Variants in BACH1 observed in about 807,000 individuals in gnomAD.
BACH1 encodes the protein BTB domain and CNC homolog 1.
In BACH1, 35 loss-of-function variants were observed where a neutral mutation model predicts 52.9. That is an observed-to-expected ratio of 0.66 (90% CI 0.51 to 0.88). BACH1 has a LOEUF of 0.88. BACH1 is among the 40% of genes least tolerant of loss of function. The pLI is 0.00. For missense variants in BACH1, 808 were observed against 872.6 expected (o/e 0.93, Z 0.93); for synonymous variants, 321 against 319.6 (o/e 1.00, Z -0.05).
chr21:29,357,974 G>A (rs2089245116), intron 2 of BACH1, among the ~76,000 whole-genome samples: 1 of 152,120 alleles, frequency 6.6e-6, no homozygotes, highest in African/African-American at 2.4e-5. Flanking sequence ...CACTCACCTA[G>A]TCCCCACACG....
rs762721028 is a variant in BACH1, at chr21:29,326,619, A to G, written c.795A>G (p.Gly265=). Residue 265 remains glycine (G), a synonymous_variant, in exon 3 of 5, where the codon GGA becomes GGG. Transcript: ENST00000286800. ...AAAGGTCTGAAAATGAATGCCTGGG[A>G]GGAGTCCCGGAGTGTAGAGATTTGC... ...PNERSENECL[G]GVPECRDLQV... is the part of the protein sequence containing the mutation. 1 of 1,614,252 alleles carries G rather than the reference A, an allele frequency of 6.2e-7. No homozygotes were observed. Among genetic ancestry groups the G allele is most frequent in the Non-Finnish European group, 8.5e-7 (1 of 1,180,046 alleles).
intron 2 of BACH1, among the ~76,000 whole-genome samples, chr21:29,358,126 TC>T (rs1303130774): frequency 1.3e-5 from 2 of 152,214 alleles, no homozygotes; most frequent in African/African-American, 2.4e-5. Context: ...GGTTGTCACT[TC>T]CTCTGCCCTT....
intron 4 of BACH1, among the ~76,000 whole-genome samples, chr21:29,331,750 TTTATAGA>T (rs1260484421): frequency 2.0e-5 from 3 of 152,186 alleles, no homozygotes; most frequent in Admixed American, 1.3e-4. Context: ...TAGTTCCTAC[TTTATAGA>T]TTAGGTGCTT....
chr21:29,321,483 A>T lies in BACH1; in HGVS notation c.203A>T (p.Asp68Val), dbSNP rs1447504612. The stretch of plus-strand genomic sequence containing the variant: ...CACTCAAGAATCGTAGGCCAGGCTG[A>T]TGGAGAGCTGAACATTACTCTTCCA... ...YFHSRIVGQA[D>V]GELNITLPEE... Residue 68 changes from aspartate to valine, a missense_variant, in exon 2 of 5, where the codon GAT (aspartate) becomes GTT (valine). Asp to Val is a radical substitution (Grantham distance 152, BLOSUM62 -3). Transcript: ENST00000286800. 2.0e-5 allele frequency: 33 copies of T among 1,614,072 alleles called. No individual in the cohort carries two copies. Among genetic ancestry groups the T allele is most frequent in the Non-Finnish European group, 2.7e-5 (32 of 1,180,030 alleles).
chr21:29,327,278 C>G lies in BACH1; in HGVS notation c.1454C>G (p.Ser485Ter), dbSNP rs2088925108. 1.2e-6 allele frequency: 2 copies of G among 1,614,074 alleles called. No homozygotes were observed. The highest frequency in any genetic ancestry group is 1.7e-6 in the Non-Finnish European group (2 of 1,180,056). ...GAAATTGGAAACGATGATTATGTTTCAGAACCCCAGCAAGAACCTTGCCCA... is the reference window on the plus strand; with the variant it reads ...GAAATTGGAAACGATGATTATGTTTGAGAACCCCAGCAAGAACCTTGCCCA... ...NLEIGNDDYV[S>*]EPQQEPCPYA... Residue 485 changes from serine to a stop codon, truncating the protein, a stop_gained, in exon 3 of 5, where the codon TCA (serine) becomes TGA (stop). Transcript: ENST00000286800. LOFTEE classifies it high-confidence loss of function.
chr21:29,317,706 G>T (rs1047775919), intron 1 of BACH1, among the ~76,000 whole-genome samples: 1 of 152,090 alleles, frequency 6.6e-6, no homozygotes. Context: ...CATTGGAGGG[G>T]GTCAAGAGGG....
At chr21:29,304,872 A>G (rs2088638721) in intron 1 of BACH1, among the ~76,000 whole-genome samples, 3 of 152,244 alleles carry the variant, frequency 2.0e-5, no homozygotes, top group African/African-American at 7.2e-5. Context: ...AGTCAGCTAA[A>G]TTAGTGCAGT....
chr21:29,354,074 G>A (rs1004866490), intron 2 of BACH1, among the ~76,000 whole-genome samples: 6 of 152,230 alleles, frequency 3.9e-5, no homozygotes, highest in African/African-American at 1.4e-4. Flanking sequence ...TCTAAAAGAT[G>A]AGCGGGAAGC....
At chr21:29,359,690 A>AAATAACTAC (rs2089259522) in intron 2 of BACH1, among the ~76,000 whole-genome samples, 2 of 152,078 alleles carry the variant, frequency 1.3e-5, no homozygotes. Flanking sequence ...TTCCTAAATA[A>AAATAACTAC]AATAACTACA....
At chr21:29,306,413 C>T (rs887870869) in intron 1 of BACH1, among the ~76,000 whole-genome samples, 2 of 150,580 alleles carry the variant, frequency 1.3e-5, no homozygotes, top group East Asian at 3.9e-4. Flanking sequence ...AAATTTTTCC[C>T]TAAAGCCTCA....
chr21:29,350,200 A>C (rs888067274), downstream of BACH1, among the ~76,000 whole-genome samples: 34 of 152,146 alleles, frequency 2.2e-4, no homozygotes, highest in African/African-American at 7.7e-4. Flanking sequence ...CACGGCCTCT[A>C]CTGCACCCCG....
chr21:29,340,402 A>G (rs1434819005), intron 4 of BACH1, among the ~76,000 whole-genome samples: 2 of 152,174 alleles, frequency 1.3e-5, no homozygotes, highest in Admixed American at 1.3e-4. Flanking sequence ...GCCATCTTGT[A>G]TACTTAAAGA....
At chr21:29,320,027 C>T (rs771435795) in intron 1 of BACH1, among the ~76,000 whole-genome samples, 1 of 152,112 alleles carries the variant, frequency 6.6e-6, no homozygotes. Flanking sequence ...CCAGTGATTT[C>T]GTGTGGTATG....
In BACH1 at chr21:29,342,530, G is replaced by T; in HGVS notation, c.1908G>T (p.Gln636His). 6.2e-7 allele frequency: 1 copy of T among 1,614,204 alleles called. No homozygotes were observed. The highest frequency in any genetic ancestry group is 8.5e-7 in the Non-Finnish European group (1 of 1,180,032). Residue 636 changes from glutamine (Q) to histidine (H), a missense_variant, in exon 5 of 5, where the codon CAG becomes CAT. Physicochemically the swap from Gln to His is conservative, Grantham distance 24. Coordinates refer to ENST00000286800, the MANE Select transcript of BACH1 (RefSeq NM_001186.4). The stretch of plus-strand genomic sequence containing the variant: ...CAGCTCTGAGTCAAGAACAAATACA[G>T]ATACTCGCCAAGTACTCAGCTGCAG... ...KEAALSQEQI[Q>H]ILAKYSAADC...
intron 2 of BACH1, chr21:29,351,913 G>A (rs933056447): frequency 8.1e-6 from 3 of 369,994 alleles, no homozygotes; most frequent in African/African-American, 4.3e-5. Context: ...AATAGGTTGA[G>A]TATGAAGTAT....
intron 4 of BACH1, among the ~76,000 whole-genome samples, chr21:29,335,270 A>G (rs1488825763): frequency 5.9e-5 from 9 of 152,216 alleles, no homozygotes; most frequent in Admixed American, 2.6e-4. Flanking sequence ...AGTAACAGCC[A>G]CAGCGGGGTT....
chr21:29,334,102 A>AT lies in BACH1; in HGVS notation c.1776+4417dup, dbSNP rs1195351443. ...TTTGGTTTTTTTTGTTATTTTTTTT[A>AT]TTTTTTTTATTTTTTTTTTTGAGGC... is the stretch of plus-strand genomic sequence containing the variant. On this transcript the variant is annotated intron_variant, in intron 4 of 4. Transcript: ENST00000286800. Among the ~76,000 whole-genome samples the AT allele has an allele frequency of 4.7e-5, 7 of 149,880 alleles. No homozygotes were observed. In the East Asian group the frequency reaches 7.8e-4, roughly 17 times the overall value.
At chr21:29,341,955 A>T (rs996607009) in intron 4 of BACH1, among the ~76,000 whole-genome samples, 2 of 152,172 alleles carry the variant, frequency 1.3e-5, no homozygotes, top group Non-Finnish European at 2.9e-5. Context: ...CATACCTGTT[A>T]TGTACAGTCT....
intron 2 of BACH1, among the ~76,000 whole-genome samples, chr21:29,357,364 T>C (rs1037728264): frequency 6.6e-6 from 1 of 152,164 alleles, no homozygotes; most frequent in Admixed American, 6.5e-5. Flanking sequence ...GCGGCCTAAG[T>C]CTGGACTACA....
Sources: gnomAD v4.1 joint callset for allele counts (sites outside exome capture counted in the v4.1 genomes callset) on GRCh38, gnomAD v4.1.1 for gene constraint, MANE v1.5 for transcripts, NCBI Gene and HGNC (gene_info 2026-07-23, HGNC 2026-07-21) for gene names.